The following IMPA1 variants were observed in gnomAD, a reference collection of about 807,000 sequenced individuals.
IMPA1 encodes the protein inositol monophosphatase 1, also known as D-galactose 1-phosphate phosphatase.
IMPA1 carries 21 observed loss-of-function variants against 34.9 expected under a neutral mutation model. The observed-to-expected ratio is 0.60, with a 90% confidence interval of 0.43 to 0.87. The LOEUF (loss-of-function observed/expected upper bound fraction) is 0.87, where lower values mean the gene tolerates loss of function less well. Ranked by LOEUF, IMPA1 falls within the 40% of genes least tolerant of loss-of-function variation. The pLI, the probability that IMPA1 is intolerant of heterozygous loss-of-function variation, is 0.00. For synonymous variants in IMPA1, 95 were observed against 104.4 expected, an observed-to-expected ratio of 0.91 and a Z score of 0.55; for missense variants, 299 against 336.4, an observed-to-expected ratio of 0.89 and a Z score of 0.87.
intron 2 of IMPA1, 47 bp from the exon 3 acceptor site, chr8:81,680,830 C>T (rs189490096): frequency 1.3e-5 from 18 of 1,399,064 alleles, no homozygotes; most frequent in Middle Eastern, 1.8e-4. Context: ...TAATTTTAAA[C>T]AAAAAGATAA....
In IMPA1 at chr8:81,679,078, T is replaced by C. The variant is rs755656150; in HGVS notation, c.302+48A>G. 7 of 1,215,230 alleles carry C rather than the reference T, an allele frequency of 5.8e-6. No individual in the cohort carries two copies. The East Asian group carries it at 1.6e-4, about 28-fold the overall frequency. The allele number at this position is 1,215,230 out of a possible 1,614,324, so 75.3% of individuals were successfully genotyped here. On this transcript the variant is annotated intron_variant, in intron 4 of 8. Coordinates refer to ENST00000256108, the MANE Select transcript of IMPA1 (RefSeq NM_005536.4). ...CCTAAATAGAGTATCTATAGGTCAA[T>C]CCAGTTAATATGCAAAGAGTAATTA...
chr8:81,684,545 G>GATACATGTGTAC (rs1563592445), intron 1 of IMPA1, among the ~76,000 whole-genome samples: 1 of 112,562 alleles, frequency 8.9e-6, no homozygotes, highest in East Asian at 5.3e-4. Context: ...CTACACATAA[G>GATACATGTGTAC]TATCTTTAGA....
chr8:81,667,380 T>C (rs1806858802), intron 7 of IMPA1, among the ~76,000 whole-genome samples: 1 of 152,158 alleles, frequency 6.6e-6, no homozygotes, highest in Admixed American at 6.5e-5. Context: ...CCAAAACGCA[T>C]GTTGAAACTT....
intron 5 of IMPA1, among the ~76,000 whole-genome samples, chr8:81,675,014 T>C (rs952417854): frequency 2.6e-5 from 4 of 152,172 alleles, no homozygotes; most frequent in Non-Finnish European, 5.9e-5. Context: ...TTGCTAGAAT[T>C]ATCTGTCACT....
At position 81,657,364 on chromosome 8, in the gene IMPA1, A is replaced by T. The variant is rs1179296308; in HGVS notation, c.*1987T>A. Among the ~76,000 whole-genome samples the T allele has an allele frequency of 6.6e-6, 1 of 152,148 alleles. No individual in the cohort carries two copies. The highest frequency in any genetic ancestry group is 1.5e-5 in the Non-Finnish European group (1 of 68,036). On this transcript the variant is annotated 3_prime_UTR_variant, in exon 9 of 9. Transcript: ENST00000256108. ...CACTTTAGAAGGCTGAGGCAGGAGG[A>T]TCACTTGAGCCCAATGAGACCAGCC...
At position 81,671,853 on chromosome 8, in the gene IMPA1, C is replaced by T. The variant is rs150466993; in HGVS notation, c.458-806G>A. Among the ~76,000 whole-genome samples, 431 of 152,098 alleles carry T rather than the reference C, an allele frequency of 2.8e-3. 3 individuals carry two copies. Among genetic ancestry groups the T allele is most frequent in the African/African-American group, 9.7e-3 (401 of 41,508 alleles). ...CGGAGGTTGCAGTGATCCGAGATCA[C>T]GCCACTGCACTCCAGCCTGGGCAAC... On this transcript the variant is annotated intron_variant, in intron 6 of 8. Transcript: ENST00000256108.
At chr8:81,667,119 G>T (rs1424481227) in intron 7 of IMPA1, among the ~76,000 whole-genome samples, 3 of 151,800 alleles carry the variant, frequency 2.0e-5, no homozygotes, top group Non-Finnish European at 4.4e-5. Flanking sequence ...ATAAGACAGG[G>T]CAAATAGACA....
In IMPA1 at chr8:81,665,238, A is replaced by T. The variant is rs541224658; in HGVS notation, c.567-4571T>A. Among the ~76,000 whole-genome samples, 5 of 152,308 alleles carry T rather than the reference A, an allele frequency of 3.3e-5. No homozygotes were observed. The East Asian group carries it at 7.7e-4, about 23-fold the overall frequency. On this transcript the variant is annotated intron_variant, in intron 7 of 8. Coordinates refer to ENST00000256108, the MANE Select transcript of IMPA1 (RefSeq NM_005536.4). ...CCGAATTAAATATTTTCAAACAAAA[A>T]CTTGTGAATACTGAAAAAAATGTTA...
In IMPA1 at chr8:81,657,094, C is replaced by G. The variant is rs1806539584; in HGVS notation, c.*2257G>C. The stretch of plus-strand genomic sequence containing the variant: ...TTTTCAAATATTATTAGATAATTCA[C>G]TTGTCGATCATCCTTTTTCAGCATC... On this transcript the variant is annotated 3_prime_UTR_variant, in exon 9 of 9. Transcript: ENST00000256108. 6.6e-6 allele frequency among the ~76,000 whole-genome samples: 1 copy of G among 152,128 alleles called. No individual in the cohort carries two copies. The highest frequency in any genetic ancestry group is 2.1e-4 in the South Asian group (1 of 4,832).
At chr8:81,670,559 T>A (rs1276377175) in intron 7 of IMPA1, among the ~76,000 whole-genome samples, 1 of 152,154 alleles carries the variant, frequency 6.6e-6, no homozygotes, top group Non-Finnish European at 1.5e-5. Context: ...TAAGAGTCTA[T>A]CTTACAGACT....
chr8:81,667,669 A>C (rs532531995), intron 7 of IMPA1, among the ~76,000 whole-genome samples: 2 of 152,264 alleles, frequency 1.3e-5, no homozygotes, highest in South Asian at 2.1e-4. Context: ...AGATTGAGTT[A>C]AGTAGCTCTG....
chr8:81,666,334 G>A (rs1429433684), intron 7 of IMPA1, among the ~76,000 whole-genome samples: 4 of 152,112 alleles, frequency 2.6e-5, no homozygotes, highest in Non-Finnish European at 5.9e-5. Flanking sequence ...TCAAATGAAC[G>A]CAGTAACTAT....
rs548228075 is a variant in IMPA1 at position 81,657,585 on chromosome 8, AAAC to A, written c.*1763_*1765del. Among the ~76,000 whole-genome samples, 1 of 152,108 alleles carries A rather than the reference AAAC, an allele frequency of 6.6e-6. No homozygotes were observed. Among genetic ancestry groups the A allele is most frequent in the Non-Finnish European group, 1.5e-5 (1 of 68,020 alleles). ...AGAAGAGCAAGACACTGTCTTCAAA[AAAC>A]AAAAACAAAACAAAGCCTCTAAAAG... On this transcript the variant is annotated 3_prime_UTR_variant, in exon 9 of 9. Transcript: ENST00000256108.
At chr8:81,681,041 T>C (rs1017344511) in intron 2 of IMPA1, among the ~76,000 whole-genome samples, 18 of 152,298 alleles carry the variant, frequency 1.2e-4, no homozygotes, top group Admixed American at 5.9e-4. Context: ...AATTAGGGTA[T>C]ACACGCAAGA....
chr8:81,684,353 C>G (rs1256401780), intron 1 of IMPA1, among the ~76,000 whole-genome samples: 2 of 142,030 alleles, frequency 1.4e-5, no homozygotes, highest in African/African-American at 2.6e-5. Flanking sequence ...AGTATATATA[C>G]CATACATAAG....
At chr8:81,681,272 T>C (rs1157322485) in intron 2 of IMPA1, among the ~76,000 whole-genome samples, 2 of 152,140 alleles carry the variant, frequency 1.3e-5, no homozygotes, top group South Asian at 2.1e-4. Context: ...ATGCCTGCTG[T>C]AGTCCCAGCT....
intron 1 of IMPA1, among the ~76,000 whole-genome samples, chr8:81,685,245 TATACTATACATAAGTATAG>T (rs1807470828): frequency 1.2e-5 from 1 of 83,282 alleles, no homozygotes; most frequent in Non-Finnish European, 2.1e-5. Context: ...AGATACTATA[TATACTATACATAAGTATAG>T]ATACTATATA....
intron 1 of IMPA1, among the ~76,000 whole-genome samples, chr8:81,682,029 G>A (rs142722973): frequency 3.7e-4 from 57 of 152,132 alleles, no homozygotes; most frequent in African/African-American, 1.3e-3. Context: ...AGAACTTAAG[G>A]TTCAGAGATG....
At chr8:81,684,634 T>C (rs1487640463) in intron 1 of IMPA1, among the ~76,000 whole-genome samples, 1 of 143,272 alleles carries the variant, frequency 7.0e-6, no homozygotes, top group Non-Finnish European at 1.5e-5. Context: ...CACATAAGTA[T>C]ATATACTACA....
Sources: allele counts gnomAD v4.1 joint callset (sites outside exome capture counted in the v4.1 genomes callset), GRCh38; gene constraint gnomAD v4.1.1; transcripts MANE v1.5; gene names NCBI Gene and HGNC (gene_info 2026-07-23, HGNC 2026-07-21).